Variants in RBKS observed in about 807,000 individuals in gnomAD.
RBKS encodes the protein ribokinase.
A neutral mutation model predicts 33.9 loss-of-function variants in RBKS; 33 were observed. The observed-to-expected ratio is 0.97, with a 90% CI of 0.74 to 1.30. The LOEUF is 1.30. Ranked by LOEUF, RBKS falls within the 50% of genes most tolerant of loss-of-function variation. RBKS has a pLI of 0.00. For missense variants in RBKS, 361 were observed against 392.6 expected (o/e 0.92, Z 0.68); for synonymous variants, 125 against 143.0 (o/e 0.87, Z 0.90).
chr2:27,825,700 C>G (rs1678298304), intron 7 of RBKS, among the ~76,000 whole-genome samples: 1 of 152,210 alleles, frequency 6.6e-6, no homozygotes. Context: ...AGCCAGTGAG[C>G]AAGTGACCTG....
intron 1 of RBKS, among the ~76,000 whole-genome samples, chr2:27,860,986 T>TA (rs11377015): frequency 5.9e-5 from 9 of 151,884 alleles, no homozygotes; most frequent in African/African-American, 2.2e-4. Context: ...TTTTTTTTTT[T>TA]AAACAGAGTC....
intron 7 of RBKS, among the ~76,000 whole-genome samples, chr2:27,815,325 A>G (rs1452954494): frequency 6.6e-6 from 1 of 152,116 alleles, no homozygotes; most frequent in Non-Finnish European, 1.5e-5. Context: ...CTCTTGCCTC[A>G]GCCTCCGAAG....
intron 1 of RBKS, among the ~76,000 whole-genome samples, chr2:27,876,125 C>T (rs1001554605): frequency 6.6e-6 from 1 of 152,076 alleles, no homozygotes; most frequent in Non-Finnish European, 1.5e-5. Context: ...TCCAGCAATC[C>T]CACTTTTGGG....
chr2:27,827,843 C>G (rs1433764546), intron 6 of RBKS, 88 bp from the exon 7 acceptor site: 4 of 1,197,724 alleles, frequency 3.3e-6, no homozygotes, highest in Non-Finnish European at 2.2e-6. Flanking sequence ...AAATGTCTCC[C>G]TTCTTTTTTA....
At chr2:27,850,430 C>T (rs921192802) in intron 2 of RBKS, among the ~76,000 whole-genome samples, 7 of 152,194 alleles carry the variant, frequency 4.6e-5, no homozygotes, top group African/African-American at 1.7e-4. Flanking sequence ...CATTATAGTA[C>T]TATACACAAT....
chr2:27,795,141 A>G lies in RBKS; in HGVS notation c.796-13353T>C, dbSNP rs1677641777. ...ATCTCGTCCATGTCTTTCCCTGCTG[A>G]CTCCTTAGAGTTTTACAATCCCTTA... is the stretch of plus-strand genomic sequence containing the variant. On this transcript the variant is annotated intron_variant, in intron 7 of 7. Transcript: ENST00000302188. The surrounding 1 kb of genome is among the most constrained non-coding windows in gnomAD (Gnocchi z 4.1). Among the ~76,000 whole-genome samples the G allele has an allele frequency of 2.0e-5, 3 of 151,668 alleles. No homozygotes were observed. The highest frequency in any genetic ancestry group is 2.4e-5 in the African/African-American group (1 of 41,254).
At chr2:27,853,585 G>A (rs1663792907) in intron 2 of RBKS, among the ~76,000 whole-genome samples, 1 of 151,996 alleles carries the variant, frequency 6.6e-6, no homozygotes, top group African/African-American at 2.4e-5. Context: ...TGAGCCCGGG[G>A]AGGTTGAGGC....
chr2:27,827,483 C>G (rs1678334059), intron 7 of RBKS, 84 bp downstream of exon 7: 1 of 1,251,794 alleles, frequency 8.0e-7, no homozygotes, highest in South Asian at 1.7e-5. Flanking sequence ...GTTTCATTAT[C>G]CAAAAATTCA....
rs915351863 is a variant in RBKS, at chr2:27,798,141, T to G, written c.796-16353A>C. Among the ~76,000 whole-genome samples the G allele has an allele frequency of 2.6e-5, 4 of 152,150 alleles. No individual in the cohort carries two copies. In the South Asian group the frequency reaches 6.2e-4, roughly 24 times the overall value. ...ATTGGGACAGAGAGAAAAATGGTCA[T>G]GTAGGCGCCCAAGTCCTAGATAAAC... On this transcript the variant is annotated intron_variant, in intron 7 of 7. Transcript: ENST00000302188.
At chr2:27,815,703 G>C (rs1405162899) in intron 7 of RBKS, among the ~76,000 whole-genome samples, 1 of 152,112 alleles carries the variant, frequency 6.6e-6, no homozygotes, top group African/African-American at 2.4e-5. Flanking sequence ...GCTTAAGGAG[G>C]GTGGACAGGT....
Position 27,837,862 on chromosome 2 carries a change from A to G in RBKS, c.515-5085T>C, listed in dbSNP as rs1238942926. 6.6e-6 allele frequency among the ~76,000 whole-genome samples: 1 copy of G among 152,160 alleles called. No individual in the cohort carries two copies. ...GCACAGGTTGAAAAGCTACCTATTG[A>G]GTACCGTGCTCCCTACCTGGGCGCA... On this transcript the variant is annotated intron_variant, in intron 5 of 7. Transcript: ENST00000302188. The surrounding 1 kb of genome is among the most constrained non-coding windows in gnomAD (Gnocchi z 4.0).
Position 27,825,586 on chromosome 2 carries a change from C to T in RBKS, c.795+1981G>A, listed in dbSNP as rs534951299. On this transcript the variant is annotated intron_variant, in intron 7 of 7. Coordinates refer to ENST00000302188, the MANE Select transcript of RBKS (RefSeq NM_022128.3). ...ATCCTCTGATAAGAGTGATTTGTAT[C>T]TGAAACCAGGGACAGGGACATGACA... is the stretch of plus-strand genomic sequence containing the variant. Among the ~76,000 whole-genome samples, 170 of 152,274 alleles carry T rather than the reference C, an allele frequency of 1.1e-3. 1 individual carries two copies. The highest frequency in any genetic ancestry group is 4.0e-3 in the African/African-American group (167 of 41,530).
At position 27,858,528 on chromosome 2, in the gene RBKS, G is replaced by A. The variant is rs752085406; in HGVS notation, c.133C>T (p.His45Tyr). 1.9e-6 allele frequency: 3 copies of A among 1,613,968 alleles called. No individual in the cohort carries two copies. Among genetic ancestry groups the A allele is most frequent in the East Asian group, 2.2e-5 (1 of 44,876 alleles). Residue 45 changes from histidine to tyrosine, a missense_variant, in exon 2 of 8, where the codon CAT (histidine) becomes TAT (tyrosine). By Grantham distance (83) the His-to-Tyr change is moderately conservative. Coordinates refer to ENST00000302188, the MANE Select transcript of RBKS (RefSeq NM_022128.3). ...CCTCCAAAGCCAATAAAAAACTTAT[G>A]TCCATGGATGGTTTCTCCAGTTTTT... is the stretch of plus-strand genomic sequence containing the variant. Reference protein sequence around the residue: ...LPKTGETIHGHKFFIGFGGKG... With the variant: ...LPKTGETIHGYKFFIGFGGKG...
At chr2:27,821,449 G>C (rs996020787) in intron 7 of RBKS, among the ~76,000 whole-genome samples, 1 of 151,954 alleles carries the variant, frequency 6.6e-6, no homozygotes, top group African/African-American at 2.4e-5. Context: ...CAAATTAGCT[G>C]TAAGTAGATA....
intron 7 of RBKS, among the ~76,000 whole-genome samples, chr2:27,794,305 AAATAATAATAAT>A (rs70953884): frequency 0.014 from 1,970 of 137,718 alleles, 39 homozygotes; most frequent in African/African-American, 0.036. Flanking sequence ...CCCCCCCACA[AAATAATAATAAT>A]AATAATAATA....
intron 6 of RBKS, among the ~76,000 whole-genome samples, 178 bp downstream of exon 6, chr2:27,832,507 TC>T (rs915485219): frequency 3.9e-5 from 6 of 152,072 alleles, no homozygotes; most frequent in East Asian, 3.8e-4. Flanking sequence ...AATCCTTTTT[TC>T]CCCCCTAGGA....
chr2:27,845,930 C>T (rs962969477), intron 4 of RBKS, among the ~76,000 whole-genome samples: 20 of 151,812 alleles, frequency 1.3e-4, no homozygotes, highest in Non-Finnish European at 2.4e-4. Context: ...AAACAGTTGG[C>T]AGAAATTATG....
chr2:27,879,031 C>T (rs1054529770), intron 1 of RBKS, among the ~76,000 whole-genome samples: 39 of 152,198 alleles, frequency 2.6e-4, no homozygotes, highest in Non-Finnish European at 5.0e-4. Context: ...CAGCAGATAC[C>T]ATGCAAGCCA....
At chr2:27,792,322 G>A (rs1253765349) in intron 7 of RBKS, among the ~76,000 whole-genome samples, 2 of 152,188 alleles carry the variant, frequency 1.3e-5, no homozygotes, top group Non-Finnish European at 2.9e-5. Flanking sequence ...GGAAATTAAT[G>A]TAAATTCTCT....
Sources: allele counts gnomAD v4.1 joint callset (sites outside exome capture counted in the v4.1 genomes callset), GRCh38; gene constraint gnomAD v4.1.1; non-coding constraint Gnocchi (gnomAD v3.1); transcripts MANE v1.5; gene names NCBI Gene and HGNC (gene_info 2026-07-23, HGNC 2026-07-21).